NKAIN4: variants seen among roughly 807,000 people sequenced by gnomAD.
NKAIN4 encodes the protein sodium/potassium-transporting ATPase subunit beta-1-interacting protein 4.
A neutral mutation model predicts 28.8 loss-of-function variants in NKAIN4; 28 were observed. The ratio of observed to expected loss-of-function variants is 0.97; its 90% confidence interval spans 0.72 to 1.33. The LOEUF (loss-of-function observed/expected upper bound fraction) is 1.33. NKAIN4 is among the 40% of genes most tolerant of loss of function. The pLI, the probability that NKAIN4 is intolerant of heterozygous loss-of-function variation, is 0.00. For missense variants in NKAIN4, 289 were observed against 277.2 expected (o/e 1.04, Z -0.30); for synonymous variants, 122 against 115.6 (o/e 1.06, Z -0.36).
intron 3 of NKAIN4, 87 bp from the exon 4 acceptor site, chr20:63,247,862 C>T (rs1023250453): frequency 2.4e-5 from 33 of 1,395,374 alleles, no homozygotes; most frequent in African/African-American, 4.4e-5. Context: ...GCCACCACAC[C>T]GAGGCAAGGG....
chr20:63,243,679 G>A (rs888803561), intron 5 of NKAIN4, among the ~76,000 whole-genome samples: 8 of 152,184 alleles, frequency 5.3e-5, no homozygotes, highest in African/African-American at 1.7e-4. Flanking sequence ...GCCCGGTTCC[G>A]ATCTGCCTGG....
chr20:63,244,655 C>T (rs2066823610), intron 4 of NKAIN4: 3 of 416,172 alleles, frequency 7.2e-6, no homozygotes, highest in Middle Eastern at 4.6e-4. Flanking sequence ...AGGGGTCAGG[C>T]AGGGAGAGGG....
chr20:63,246,367 C>T (rs1370239104), intron 4 of NKAIN4, among the ~76,000 whole-genome samples: 1 of 152,232 alleles, frequency 6.6e-6, no homozygotes, highest in Non-Finnish European at 1.5e-5. Context: ...CCCCTCTGTG[C>T]CTTGCTGACT....
At chr20:63,249,188 C>A (rs903236453) in intron 2 of NKAIN4, 6 of 433,578 alleles carry the variant, frequency 1.4e-5, no homozygotes, top group African/African-American at 1.0e-4. Flanking sequence ...GCTGAGCTGC[C>A]GTGACCTGTC....
intron 4 of NKAIN4, chr20:63,244,432 A>T: frequency 2.0e-6 from 1 of 499,146 alleles, no homozygotes; most frequent in Non-Finnish European, 4.0e-6. Context: ...ACCCCAGGCC[A>T]GCACAGTCCC....
At chr20:63,248,960 GC>G in intron 2 of NKAIN4, 65 bp from the exon 3 acceptor site, 6 of 1,108,834 alleles carry the variant, frequency 5.4e-6, no homozygotes, top group Non-Finnish European at 6.8e-6. Flanking sequence ...CTTGCATCCA[GC>G]CCCCGGGGGA....
intron 1 of NKAIN4, among the ~76,000 whole-genome samples, chr20:63,251,516 G>A (rs993649622): frequency 3.3e-5 from 5 of 152,162 alleles, no homozygotes; most frequent in African/African-American, 7.2e-5. Flanking sequence ...GCTTGGCAAC[G>A]GGCGTCTTCC....
chr20:63,248,509 A>G, intron 3 of NKAIN4: 1 of 329,296 alleles, frequency 3.0e-6, no homozygotes, highest in Non-Finnish European at 5.8e-6. Context: ...GGTGGTGTCC[A>G]TTCACCTGCA....
chr20:63,254,205 C>CCGCGACTCCCCACGCCCCGCAGGCGA, intron 1 of NKAIN4, 192 bp downstream of exon 1: 1 of 469,610 alleles, frequency 2.1e-6, no homozygotes, highest in Non-Finnish European at 3.6e-6. Flanking sequence ...GGACCCGGCG[C>CCGCGACTCCCCACGCCCCGCAGGCGA]CGCGACTCCC....
chr20:63,253,334 T>C (rs1051647836), intron 1 of NKAIN4: 1 of 985,114 alleles, frequency 1.0e-6, no homozygotes, highest in Non-Finnish European at 1.2e-6. Context: ...CGGAAGCTCC[T>C]TCCTTCCTGC....
chr20:63,250,139 T>C, intron 1 of NKAIN4, 67 bp from the exon 2 acceptor site: 3 of 1,485,628 alleles, frequency 2.0e-6, no homozygotes, highest in African/African-American at 1.4e-5. Flanking sequence ...AGCCAGGTAC[T>C]GGGCCAAGGT....
rs1029506318 is a variant in NKAIN4, at chr20:63,245,886, C to T, written c.471+1692G>A. Among the ~76,000 whole-genome samples, 2 of 152,036 alleles carry T rather than the reference C, an allele frequency of 1.3e-5. No individual in the cohort carries two copies. Among genetic ancestry groups the T allele is most frequent in the Admixed American group, 6.5e-5 (1 of 15,270 alleles). On this transcript the variant is annotated intron_variant, in intron 4 of 6. Coordinates refer to ENST00000370316, the MANE Select transcript of NKAIN4 (RefSeq NM_152864.4). The surrounding 1 kb of genome is among the most constrained non-coding windows in gnomAD (Gnocchi z 4.7). ...TCCTCCAGCCTCGGCTCCCATAGCA[C>T]GCCAGCCCCCTCCGAGAGACTCTTC...
intron 3 of NKAIN4, 115 bp downstream of exon 3, chr20:63,248,698 GCA>G: frequency 1.4e-6 from 1 of 708,226 alleles, no homozygotes; most frequent in South Asian, 1.5e-5. Flanking sequence ...ACAGAGCCAT[GCA>G]CAGACTGAGC....
rs1316953185 is a variant in NKAIN4 at position 63,245,315 on chromosome 20, C to A, written c.472-1231G>T. Among the ~76,000 whole-genome samples, 4 of 152,324 alleles carry A rather than the reference C, an allele frequency of 2.6e-5. No individual in the cohort carries two copies. The East Asian group carries it at 7.7e-4, about 29-fold the overall frequency. The stretch of plus-strand genomic sequence containing the variant: ...GGGAGCAGCGGTGAGGGTGGGCAAC[C>A]TCCACGGCTCGTCCCCCTCCTCACC... On this transcript the variant is annotated intron_variant, in intron 4 of 6. Coordinates refer to ENST00000370316, the MANE Select transcript of NKAIN4 (RefSeq NM_152864.4). The surrounding 1 kb of genome is among the most constrained non-coding windows in gnomAD (Gnocchi z 4.7).
chr20:63,250,139 TG>T, intron 1 of NKAIN4, 67 bp from the exon 2 acceptor site: 1 of 1,485,628 alleles, frequency 6.7e-7, no homozygotes. Context: ...AGCCAGGTAC[TG>T]GGCCAAGGTG....
At chr20:63,251,452 G>A (rs780055174) in intron 1 of NKAIN4, among the ~76,000 whole-genome samples, 10 of 152,162 alleles carry the variant, frequency 6.6e-5, no homozygotes, top group African/African-American at 1.9e-4. Context: ...TTCCCAGTCC[G>A]CTAAGTAGCA....
At position 63,252,873 on chromosome 20, in the gene NKAIN4, C is replaced by A. The variant is rs1362334359; in HGVS notation, c.54+1524G>T. ...CTCTGCACCCTGAGGTCACATCCGA[C>A]CAGCACAGTCGTGCCTCACCCTGCA... On this transcript the variant is annotated intron_variant, in intron 1 of 6. Coordinates refer to ENST00000370316, the MANE Select transcript of NKAIN4 (RefSeq NM_152864.4). The surrounding 1 kb of genome is among the most constrained non-coding windows in gnomAD (Gnocchi z 4.6). Among the ~76,000 whole-genome samples, 1 of 152,180 alleles carries A rather than the reference C, an allele frequency of 6.6e-6. No homozygotes were observed. The highest frequency in any genetic ancestry group is 2.4e-5 in the African/African-American group (1 of 41,436).
intron 1 of NKAIN4, among the ~76,000 whole-genome samples, chr20:63,251,737 A>G (rs1199628506): frequency 6.6e-6 from 1 of 152,230 alleles, no homozygotes; most frequent in Non-Finnish European, 1.5e-5. Flanking sequence ...ATGATGAATG[A>G]TATTCATATA....
At chr20:63,246,191 G>C (rs954629158) in intron 4 of NKAIN4, among the ~76,000 whole-genome samples, 1 of 152,204 alleles carries the variant, frequency 6.6e-6, no homozygotes, top group Non-Finnish European at 1.5e-5. Context: ...GCCTCCCAAA[G>C]TGCTGGGATT....
Sources: allele counts gnomAD v4.1 joint callset (sites outside exome capture counted in the v4.1 genomes callset), GRCh38; gene constraint gnomAD v4.1.1; non-coding constraint Gnocchi (gnomAD v3.1); transcripts MANE v1.5; gene names NCBI Gene and HGNC (gene_info 2026-07-23, HGNC 2026-07-21).